Variants in AFF2 observed in about 807,000 individuals in gnomAD.
The protein encoded by AFF2 is ALF transcription elongation factor 2.
Under a neutral mutation model 76.9 loss-of-function variants are expected in AFF2, and 14 were observed. That is an observed-to-expected ratio of 0.18 (90% confidence interval 0.12 to 0.28). The LOEUF is 0.28. Among genes scored for constraint, AFF2 ranks in the 10% least tolerant of loss-of-function variants. AFF2 has a pLI of 1.00. For missense variants in AFF2, 868 were observed against 1,001.1 expected, an observed-to-expected ratio of 0.87 and a Z score of 1.79; for synonymous variants, 398 against 366.7, an observed-to-expected ratio of 1.09 and a Z score of -0.98.
intron 9 of AFF2, among the ~76,000 whole-genome samples, chrX:148,910,541 T>C (rs1167708358): frequency 8.9e-6 from 1 of 112,405 alleles, no homozygotes; most frequent in Non-Finnish European, 1.9e-5. Context: ...CAAAAAATGC[T>C]TCTAGTTAAC....
chrX:148,989,972 G>A (rs1346932204), intron 20 of AFF2, among the ~76,000 whole-genome samples: 1 of 111,793 alleles, frequency 8.9e-6, no homozygotes, highest in African/African-American at 3.3e-5. Context: ...AGAATACCCA[G>A]GGAACATCCT....
intron 1 of AFF2, among the ~76,000 whole-genome samples, chrX:148,614,693 T>TTTTC (rs548569376): frequency 0.069 from 3,866 of 55,813 alleles, 175 homozygotes; most frequent in East Asian, 0.14. Flanking sequence ...TCCTTCTTTC[T>TTTTC]TTTCTTTCTT....
At chrX:148,615,802 G>A (rs1276665360) in intron 1 of AFF2, among the ~76,000 whole-genome samples, 1 of 111,287 alleles carries the variant, frequency 9.0e-6, no homozygotes, top group Non-Finnish European at 1.9e-5. Flanking sequence ...GTCTCAAAAT[G>A]TTTCATGCAT....
At chrX:148,928,793 G>A (rs1342106322) in intron 9 of AFF2, among the ~76,000 whole-genome samples, 1 of 112,303 alleles carries the variant, frequency 8.9e-6, no homozygotes, top group Non-Finnish European at 1.9e-5. Context: ...TATACTGAGG[G>A]CCTGCTGGGC....
intron 10 of AFF2, among the ~76,000 whole-genome samples, chrX:148,954,350 A>G (rs1262959993): frequency 8.9e-6 from 1 of 112,103 alleles, no homozygotes; most frequent in African/African-American, 3.2e-5. Context: ...ATAGCCGCTC[A>G]ATTTCCCTGA....
chrX:148,963,780 G>T (rs1557288367), intron 13 of AFF2, among the ~76,000 whole-genome samples: 1 of 112,362 alleles, frequency 8.9e-6, no homozygotes, highest in Non-Finnish European at 1.9e-5. Context: ...AAATGACACT[G>T]TCTTGGGCTG....
At chrX:148,931,040 G>A (rs377399731) in intron 9 of AFF2, among the ~76,000 whole-genome samples, 25 of 110,644 alleles carry the variant, frequency 2.3e-4, no homozygotes, top group East Asian at 8.5e-4. Context: ...ATCACGTGAG[G>A]TCAGGAGATC....
In AFF2 at chrX:148,592,250, A is replaced by T. The variant is rs782261218; in HGVS notation, c.48-59749A>T. 9.8e-5 allele frequency among the ~76,000 whole-genome samples: 11 copies of T among 111,864 alleles called. No individual in the cohort carries two copies. The East Asian group carries it at 3.1e-3, about 32-fold the overall frequency. On this transcript the variant is annotated intron_variant, in intron 1 of 20. Transcript: ENST00000370460. ...TATGAACAGCAGATTTTGTCCCAGG[A>T]TTAGCAGGTGAGAATCACTGGAGCT...
chrX:148,855,218 T>G (rs1320032342), intron 7 of AFF2, among the ~76,000 whole-genome samples: 1 of 111,253 alleles, frequency 9.0e-6, no homozygotes, highest in African/African-American at 3.3e-5. Context: ...AGTCTCTTCA[T>G]TTTGGTTTGG....
chrX:148,535,285 A>G (rs2052771773), intron 1 of AFF2, among the ~76,000 whole-genome samples: 1 of 112,182 alleles, frequency 8.9e-6, no homozygotes, highest in Non-Finnish European at 1.9e-5. Context: ...AATGCGATCT[A>G]CCTTTATTCT....
chrX:148,578,651 A>T (rs1476185063), intron 1 of AFF2, among the ~76,000 whole-genome samples: 2 of 111,492 alleles, frequency 1.8e-5, no homozygotes, highest in Non-Finnish European at 3.8e-5. Flanking sequence ...AGGCTGCTTC[A>T]TTTTCTTACT....
rs189227747 is a variant in AFF2, at chrX:148,689,190, G to A, written c.1041+26422G>A. 5.4e-5 allele frequency among the ~76,000 whole-genome samples: 6 copies of A among 111,557 alleles called. No individual in the cohort carries two copies. The East Asian group carries it at 1.1e-3, about 21-fold the overall frequency. ...TCACATGATCTTCCTGTGCAAGTCT[G>A]TGTCCTAATCTCTTCTTGTAAGGAC... On this transcript the variant is annotated intron_variant, in intron 3 of 20. Coordinates refer to ENST00000370460, the MANE Select transcript of AFF2 (RefSeq NM_002025.4).
chrX:148,843,080 A>T lies in AFF2; in HGVS notation c.1210+78A>T. On this transcript the variant is annotated intron_variant, in intron 6 of 20. Coordinates refer to ENST00000370460, the MANE Select transcript of AFF2 (RefSeq NM_002025.4). ...CTCATTTTTTCCTTTTTCCTACTTA[A>T]AATCATTAAAACATGAAAGAACAAC... 6 of 806,409 alleles carry T rather than the reference A, an allele frequency of 7.4e-6. No individual in the cohort carries two copies. In the East Asian group the frequency reaches 9.7e-5, roughly 13 times the overall value. The allele number at this position is 806,409 out of a possible 1,213,427, so 66.5% of individuals were successfully genotyped here.
chrX:148,957,056 G>T (rs1374597144), intron 11 of AFF2, among the ~76,000 whole-genome samples: 2 of 112,270 alleles, frequency 1.8e-5, no homozygotes, highest in Non-Finnish European at 3.8e-5. Context: ...TGGTAGGCTT[G>T]ACTTGGGAAA....
intron 8 of AFF2, 110 bp downstream of exon 8, chrX:148,886,095 C>A: frequency 1.7e-6 from 1 of 592,961 alleles, no homozygotes. Context: ...TATCTCTGGG[C>A]TTTGGAGAGA....
rs189579569 is a variant in AFF2 at position 148,804,615 on chromosome X, C to T, written c.1042-5261C>T. ...GACTTACTTAAAAACTGGCCAGAAG[C>T]AGTATTTTAAAGTAAACACCAGCTC... On this transcript the variant is annotated intron_variant, in intron 3 of 20. Coordinates refer to ENST00000370460, the MANE Select transcript of AFF2 (RefSeq NM_002025.4). Among the ~76,000 whole-genome samples the T allele has an allele frequency of 2.2e-4, 25 of 112,453 alleles. 1 individual carries two copies. The Admixed American group carries it at 2.3e-3, about 10-fold the overall frequency.
At chrX:148,667,445 A>T (rs782498191) in intron 3 of AFF2, among the ~76,000 whole-genome samples, 1 of 112,022 alleles carries the variant, frequency 8.9e-6, no homozygotes, top group African/African-American at 3.2e-5. Flanking sequence ...GCTGTTTACA[A>T]CTCATGCTAA....
Position 148,996,949 on chromosome X carries a change from A to T in AFF2, c.*5617A>T, listed in dbSNP as rs937039832. 6.3e-5 allele frequency: 7 copies of T among 111,863 alleles called. No homozygotes were observed. In the East Asian group the frequency reaches 2.0e-3, roughly 31 times the overall value. 9.2% of individuals were successfully genotyped at this position (111,863 alleles called of 1,213,427 possible). A position where few individuals can be genotyped will look rare whatever the true frequency, so the allele number is the denominator to read the frequency against. ...TAACTAGGATAAAGTATTTACGGGAACTCTATGGAGAATAGCACAATCCAG... is the reference window on the plus strand; with the variant it reads ...TAACTAGGATAAAGTATTTACGGGATCTCTATGGAGAATAGCACAATCCAG... On this transcript the variant is annotated 3_prime_UTR_variant, in exon 21 of 21. Transcript: ENST00000370460.
At chrX:148,774,072 A>G (rs1187859064) in intron 3 of AFF2, among the ~76,000 whole-genome samples, 1 of 111,792 alleles carries the variant, frequency 8.9e-6, no homozygotes, top group African/African-American at 3.3e-5. Flanking sequence ...GCACATACTC[A>G]TCAGAAATGC....
Sources: gnomAD v4.1 joint callset for allele counts (sites outside exome capture counted in the v4.1 genomes callset) on GRCh38, gnomAD v4.1.1 for gene constraint, MANE v1.5 for transcripts, NCBI Gene and HGNC (gene_info 2026-07-23, HGNC 2026-07-21) for gene names.